PTS: variants seen among roughly 807,000 people sequenced by gnomAD.
PTS encodes the protein 6-pyruvoyl tetrahydrobiopterin synthase.
In PTS, 23 loss-of-function variants were observed where a neutral mutation model predicts 20.6. That is an observed-to-expected ratio of 1.12 (90% CI 0.80 to 1.58). The LOEUF is 1.58. Among genes scored for constraint, PTS ranks in the 40% most tolerant of loss-of-function variants. PTS has a pLI of 0.00. For missense variants in PTS, 186 were observed against 182.4 expected, an observed-to-expected ratio of 1.02 and a Z score of -0.11; for synonymous variants, 65 against 62.5, an observed-to-expected ratio of 1.04 and a Z score of -0.19.
chr11:112,230,416 C>A, intron 3 of PTS, 186 bp downstream of exon 3: 1 of 831,710 alleles, frequency 1.2e-6, no homozygotes, highest in Non-Finnish European at 2.1e-6. Context: ...CTTTAATATG[C>A]TGTATGTGGA....
chr11:112,230,598 G>T (rs1257099687), intron 3 of PTS, 28 bp from the exon 4 acceptor site: 13 of 1,574,992 alleles, frequency 8.3e-6, no homozygotes, highest in Non-Finnish European at 1.1e-5. Context: ...GCCTATCACA[G>T]TAATATTCAC....
At chr11:112,226,726 G>A (rs551346631) in intron 1 of PTS, among the ~76,000 whole-genome samples, 200 bp downstream of exon 1, 1 of 152,086 alleles carries the variant, frequency 6.6e-6, no homozygotes, top group South Asian at 2.1e-4. Flanking sequence ...CAGCCCTGGA[G>A]GGGTGGGGGA....
At position 112,228,421 on chromosome 11, in the gene PTS, C is replaced by T. The variant is rs894458544; in HGVS notation, c.84-173C>T. ...TTAGGGAATATGCCATGGTTTGTGACGTATACGTAAGTAATAAAATCAACA... is the reference window on the plus strand; with the variant it reads ...TTAGGGAATATGCCATGGTTTGTGATGTATACGTAAGTAATAAAATCAACA... On this transcript the variant is annotated intron_variant, in intron 1 of 5. Transcript: ENST00000280362. The T allele has an allele frequency of 8.9e-5, 56 of 626,308 alleles. 1 individual carries two copies. Among genetic ancestry groups the T allele is most frequent in the South Asian group, 4.8e-4 (24 of 50,244 alleles). The allele number at this position is 626,308 out of a possible 1,614,324, so 38.8% of individuals were successfully genotyped here.
intron 4 of PTS, 31 bp from the exon 5 acceptor site, chr11:112,233,132 C>A (rs769451509): frequency 1.6e-5 from 26 of 1,587,986 alleles, no homozygotes; most frequent in Non-Finnish European, 2.2e-5. Context: ...TAAATGGAGT[C>A]AATGATATTT....
intron 1 of PTS, among the ~76,000 whole-genome samples, chr11:112,227,026 A>C (rs1310699551): frequency 6.7e-6 from 1 of 150,034 alleles, no homozygotes; most frequent in Non-Finnish European, 1.5e-5. Flanking sequence ...CAAAGACTGG[A>C]TGAACCCAGT....
At position 112,226,541 on chromosome 11, in the gene PTS, C is replaced by G; in HGVS notation, c.83+15C>G. On this transcript the variant is annotated intron_variant, in intron 1 of 5. Transcript: ENST00000280362. ...CGATTGTACAGGTAGGGTGTGCACA[C>G]AGGTACAGCGGCGGGCGGTGGGCGC... is the stretch of plus-strand genomic sequence containing the variant. 1 of 1,562,096 alleles carries G rather than the reference C, an allele frequency of 6.4e-7. No individual in the cohort carries two copies. The highest frequency in any genetic ancestry group is 8.6e-7 in the Non-Finnish European group (1 of 1,156,832).
At chr11:112,228,467 G>T in intron 1 of PTS, 127 bp from the exon 2 acceptor site, 1 of 775,518 alleles carries the variant, frequency 1.3e-6, no homozygotes, top group Non-Finnish European at 2.1e-6. Flanking sequence ...CTCTCCCTTT[G>T]GTGAGCTAAA....
At chr11:112,226,574 C>T (rs1169153774) in intron 1 of PTS, 48 bp downstream of exon 1, 7 of 1,471,564 alleles carry the variant, frequency 4.8e-6, no homozygotes, top group East Asian at 2.9e-5. Context: ...CGCCGGGCCC[C>T]GGAACGTCAC....
In PTS at chr11:112,226,452, G is replaced by A. The variant is rs1460470110; in HGVS notation, c.9G>A (p.Thr3=). MS[T]EGGGRRCQAQ... ...CAGACAGCGCCGGGAAGATGAGCAC[G>A]GAAGGTGGTGGCCGTCGCTGCCAGG... Residue 3 remains threonine (T), a synonymous_variant, in exon 1 of 6, where the codon ACG becomes ACA. Transcript: ENST00000280362. 3 of 1,580,372 alleles carry A rather than the reference G, an allele frequency of 1.9e-6. No homozygotes were observed. Among genetic ancestry groups the A allele is most frequent in the Non-Finnish European group, 2.6e-6 (3 of 1,165,336 alleles).
intron 5 of PTS, 21 bp downstream of exon 5, chr11:112,233,254 C>A (rs1415597770): frequency 6.2e-7 from 1 of 1,603,970 alleles, no homozygotes; most frequent in Admixed American, 1.7e-5. Flanking sequence ...CTGTATCTTG[C>A]CTTATGTGGA....
chr11:112,233,013 T>C, intron 4 of PTS, 150 bp from the exon 5 acceptor site: 1 of 818,066 alleles, frequency 1.2e-6, no homozygotes, highest in Middle Eastern at 2.4e-4. Context: ...TGAAATTTTG[T>C]AAAGTTGCCT....
chr11:112,227,013 T>A (rs748702299), intron 1 of PTS, among the ~76,000 whole-genome samples: 3 of 149,932 alleles, frequency 2.0e-5, no homozygotes, highest in Non-Finnish European at 4.4e-5. Flanking sequence ...GCCCCTTTTT[T>A]ACCAAAGACT....
intron 2 of PTS, 125 bp from the exon 3 acceptor site, chr11:112,230,083 A>G: frequency 1.0e-6 from 1 of 970,570 alleles, no homozygotes; most frequent in Non-Finnish European, 1.6e-6. Context: ...ATTTAAGTAT[A>G]GCTTTTGGGG....
At chr11:112,228,550 G>T (rs1301331498) in intron 1 of PTS, 44 bp from the exon 2 acceptor site, 1 of 1,498,020 alleles carries the variant, frequency 6.7e-7, no homozygotes, top group Non-Finnish European at 9.2e-7. Context: ...GGGTTTGAAT[G>T]TGATACTTGT....
At chr11:112,226,554 G>C in intron 1 of PTS, 28 bp downstream of exon 1, 1 of 1,510,956 alleles carries the variant, frequency 6.6e-7, no homozygotes, top group Non-Finnish European at 8.9e-7. Flanking sequence ...GTACAGCGGC[G>C]GGCGGTGGGC....
chr11:112,230,926 G>A (rs1566816410), intron 4 of PTS, among the ~76,000 whole-genome samples: 2 of 151,604 alleles, frequency 1.3e-5, no homozygotes, highest in Non-Finnish European at 2.9e-5. Context: ...TGCTCACCTT[G>A]TATTCCTTGT....
At chr11:112,226,577 A>C in intron 1 of PTS, 51 bp downstream of exon 1, 2 of 1,453,566 alleles carry the variant, frequency 1.4e-6, no homozygotes, top group Non-Finnish European at 1.8e-6. Context: ...CGGGCCCCGG[A>C]ACGTCACCGG....
chr11:112,227,753 T>TA (rs45602437), intron 1 of PTS, among the ~76,000 whole-genome samples: 3,290 of 152,268 alleles, frequency 0.022, 70 homozygotes, highest in Middle Eastern at 0.092. Flanking sequence ...AAGCCATTCA[T>TA]AAGGGATCCA....
At chr11:112,228,213 C>A in intron 1 of PTS, 1 of 186,440 alleles carries the variant, frequency 5.4e-6, no homozygotes, top group Non-Finnish European at 1.1e-5. Flanking sequence ...AGCCACTTTG[C>A]GGATCACCAT....
Sources: allele counts gnomAD v4.1 joint callset (sites outside exome capture counted in the v4.1 genomes callset), GRCh38; gene constraint gnomAD v4.1.1; transcripts MANE v1.5; gene names NCBI Gene and HGNC (gene_info 2026-07-23, HGNC 2026-07-21).